Variants in MUTYH observed in about 807,000 individuals in gnomAD.
MUTYH encodes mutY DNA glycosylase, also known as adenine DNA glycosylase.
Under a neutral mutation model 72.9 loss-of-function variants are expected in MUTYH, and 64 were observed. The observed-to-expected ratio is 0.88, with a 90% CI of 0.72 to 1.08. The LOEUF is 1.08. MUTYH is among the 50% of genes least tolerant of loss of function. MUTYH has a pLI of 0.00. For synonymous variants in MUTYH, 234 were observed against 263.1 expected (o/e 0.89, Z 1.07); for missense variants, 633 against 671.0 (o/e 0.94, Z 0.63).
At chr1:45,329,579 C>G in intron 15 of MUTYH, 142 bp from the exon 16 acceptor site, 1 of 1,179,576 alleles carries the variant, frequency 8.5e-7, no homozygotes, top group Non-Finnish European at 1.2e-6. Context: ...CATCCTGCCT[C>G]AAGTATCTGC....
chr1:45,333,337 C>T lies in MUTYH; in HGVS notation c.265-13G>A. On this transcript the variant is annotated splice_polypyrimidine_tract_variant and intron_variant, in intron 3 of 15. Transcript: ENST00000456914. ...TCTCATCTTCTGCCTGTCAATGCAA[C>T]CCCAGATGAGGAGTTAGGGTGGAGG... 1.2e-6 allele frequency: 2 copies of T among 1,614,222 alleles called. No individual in the cohort carries two copies. Among genetic ancestry groups the T allele is most frequent in the Non-Finnish European group, 1.7e-6 (2 of 1,180,024 alleles).
At chr1:45,340,301 G>T (rs1483936156), upstream of MUTYH, 2 of 1,612,636 alleles carry the variant, frequency 1.2e-6, no homozygotes, top group African/African-American at 1.3e-5. Flanking sequence ...CGCAGCTTCC[G>T]ACGGTGAGCG....
At position 45,331,652 on chromosome 1, in the gene MUTYH, T is replaced by A. The variant is rs587780742; in HGVS notation, c.1102+9A>T. ...ATGCCACTGCCCTCCACGCCCAGTATCCAGGTACCTGAGTTGGGCCTCTGC... is the reference window on the plus strand; with the variant it reads ...ATGCCACTGCCCTCCACGCCCAGTAACCAGGTACCTGAGTTGGGCCTCTGC... On this transcript the variant is annotated intron_variant, in intron 12 of 15. Coordinates refer to ENST00000456914, the MANE Select transcript of MUTYH (RefSeq NM_001048174.2). 352 of 1,613,718 alleles carry A rather than the reference T, an allele frequency of 2.2e-4. No homozygotes were observed. Among genetic ancestry groups the A allele is most frequent in the Non-Finnish European group, 2.8e-4 (331 of 1,180,042 alleles).
At chr1:45,338,356 C>T (rs1646266737) in intron 1 of MUTYH, 4 of 494,056 alleles carry the variant, frequency 8.1e-6, no homozygotes, top group Non-Finnish European at 1.6e-5. Flanking sequence ...GTGTGTCTGC[C>T]CACCTTGGGG....
intron 1 of MUTYH, chr1:45,339,550 G>A (rs925401896): frequency 3.1e-6 from 1 of 318,578 alleles, no homozygotes; most frequent in African/African-American, 2.2e-5. Flanking sequence ...CCTCTAGGTC[G>A]ACTATACCGC....
chr1:45,329,356 G>A lies in MUTYH; in HGVS notation c.1516C>T (p.Arg506Trp), dbSNP rs144616312. Residue 506 changes from arginine to tryptophan, a missense_variant, in exon 16 of 16, where the codon CGG (arginine) becomes TGG (tryptophan). By Grantham distance (101) the Arg-to-Trp change is moderately radical. Coordinates refer to ENST00000456914, the MANE Select transcript of MUTYH (RefSeq NM_001048174.2). ...MGQQVLDNFFRSHISTDAHSL... is the reference protein window; with the variant it reads ...MGQQVLDNFFWSHISTDAHSL... The stretch of plus-strand genomic sequence containing the variant: ...TGTGCATCAGTGGAGATGTGAGACC[G>A]AAAGAAATTATCCAGGACTTGCTGG... The A allele has an allele frequency of 3.8e-5, 61 of 1,614,096 alleles. No homozygotes were observed. The highest frequency in any genetic ancestry group is 3.9e-5 in the Non-Finnish European group (46 of 1,180,048).
In MUTYH at chr1:45,331,494, G is replaced by A. The variant is rs773370513; in HGVS notation, c.1165C>T (p.Arg389Cys). The A allele has an allele frequency of 9.9e-6, 16 of 1,614,012 alleles. No homozygotes were observed. The highest frequency in any genetic ancestry group is 5.0e-5 in the Admixed American group (3 of 60,014). Residue 389 changes from arginine (R) to cysteine (C), a missense_variant, in exon 13 of 16, where the codon CGC (arginine) becomes TGC (cysteine). Physicochemically the swap from Arg to Cys is radical, Grantham distance 180 (BLOSUM62 -3). Transcript: ENST00000456914. Reference sequence around the variant, plus strand: ...TGTAGTTCCTGCAGCAGGGCCTTGCGCTGAAGCTGCTCTGAGGGCTCCCAG... The same window carrying A: ...TGTAGTTCCTGCAGCAGGGCCTTGCACTGAAGCTGCTCTGAGGGCTCCCAG... The part of the protein sequence containing the change: ...VTWEPSEQLQ[R>C]KALLQELQRW...
intron 1 of MUTYH, 77 bp downstream of exon 1, chr1:45,339,822 G>C: frequency 7.6e-7 from 1 of 1,313,334 alleles, no homozygotes; most frequent in East Asian, 5.1e-5. Flanking sequence ...TCTAACTCCT[G>C]GGCGTGCTTT....
rs587778534 is a variant in MUTYH, at chr1:45,332,263, T to C, written c.752A>G (p.Asn251Ser). 3 of 1,614,048 alleles carry C rather than the reference T, an allele frequency of 1.9e-6. No individual in the cohort carries two copies. Among genetic ancestry groups the C allele is most frequent in the Non-Finnish European group, 2.5e-6 (3 of 1,179,976 alleles). Reference sequence around the variant, plus strand: ...GGCCCCTAGCTCCATGGCTGCTTGGTTGAAATCTCCTGGCCGGGCTGGGTC... The same window carrying C: ...GGCCCCTAGCTCCATGGCTGCTTGGCTGAAATCTCCTGGCCGGGCTGGGTC... ...LVDPARPGDF[N>S]QAAMELGATV... Residue 251 changes from asparagine (N) to serine (S), a missense_variant, in exon 10 of 16, where the codon AAC becomes AGC. Asn to Ser is a conservative substitution (Grantham distance 46, BLOSUM62 1). Transcript: ENST00000456914.
At chr1:45,334,323 C>T in intron 2 of MUTYH, 68 bp downstream of exon 2, 2 of 1,607,858 alleles carry the variant, frequency 1.2e-6, no homozygotes, top group Non-Finnish European at 1.7e-6. Context: ...ATACGTATCA[C>T]AATCCCTTCC....
chr1:45,334,266 G>A, intron 2 of MUTYH, 125 bp downstream of exon 2: 2 of 1,440,346 alleles, frequency 1.4e-6, no homozygotes, highest in East Asian at 4.8e-5. Flanking sequence ...TGGGATTACA[G>A]GTGTGAGCCA....
upstream of MUTYH, chr1:45,340,287 C>G (rs978180720): frequency 6.2e-7 from 1 of 1,613,464 alleles, no homozygotes; most frequent in Admixed American, 1.7e-5. Context: ...GCAGTTTCAG[C>G]TCCCGCAGCT....
chr1:45,333,053 C>T (rs752685262), intron 5 of MUTYH, 44 bp downstream of exon 5: 12 of 1,612,282 alleles, frequency 7.4e-6, no homozygotes, highest in Non-Finnish European at 9.3e-6. Flanking sequence ...AGGCTCTCAT[C>T]TGGGGTCTGA....
rs1570395209 is a variant in MUTYH, at chr1:45,332,064, G to A, written c.872C>T (p.Ala291Val). The A allele has an allele frequency of 1.2e-6, 2 of 1,614,210 alleles. No homozygotes were observed. Among genetic ancestry groups the A allele is most frequent in the Non-Finnish European group, 1.7e-6 (2 of 1,180,024 alleles). ...AGGACTGCCCGACAGGCTCCCTGAG[G>A]CTAAGAGCTGTTCCTGCTCCACCTG... The part of the protein sequence containing the change: ...RQRVEQEQLL[A>V]SGSLSGSPDV... Residue 291 changes from alanine to valine, a missense_variant, in exon 11 of 16, where the codon GCC (alanine) becomes GTC (valine). Coordinates refer to ENST00000456914, the MANE Select transcript of MUTYH (RefSeq NM_001048174.2).
intron 11 of MUTYH, 44 bp from the exon 12 acceptor site, chr1:45,331,893 T>A (rs1644952910): frequency 6.2e-7 from 1 of 1,605,776 alleles, no homozygotes; most frequent in Admixed American, 1.7e-5. Context: ...CAAGAGGGCT[T>A]TAGGGGCCAA....
intron 10 of MUTYH, 40 bp from the exon 11 acceptor site, chr1:45,332,126 T>G: frequency 6.2e-7 from 1 of 1,614,156 alleles, no homozygotes; most frequent in Non-Finnish European, 8.5e-7. Flanking sequence ...GCAGAGTCAC[T>G]CCTTAGGACT....
intron 1 of MUTYH, among the ~76,000 whole-genome samples, chr1:45,334,849 G>GA (rs1341265769): frequency 6.6e-6 from 1 of 152,180 alleles, no homozygotes; most frequent in Non-Finnish European, 1.5e-5. Flanking sequence ...TGTGGATAGG[G>GA]GTTGTTTAGG....
intron 8 of MUTYH, 27 bp downstream of exon 8, chr1:45,332,547 C>G: frequency 6.2e-7 from 1 of 1,613,990 alleles, no homozygotes; most frequent in Non-Finnish European, 8.5e-7. Flanking sequence ...TGGGCACGCA[C>G]AAAGTGGGGG....
upstream of MUTYH, chr1:45,340,235 C>A (rs1114167687): frequency 1.9e-6 from 3 of 1,613,856 alleles, no homozygotes; most frequent in Non-Finnish European, 1.7e-6. Context: ...ACGACTCAGG[C>A]GGGAGACGAG....
Sources: gnomAD v4.1 joint callset for allele counts (sites outside exome capture counted in the v4.1 genomes callset) on GRCh38, gnomAD v4.1.1 for gene constraint, MANE v1.5 for transcripts, NCBI Gene and HGNC (gene_info 2026-07-23, HGNC 2026-07-21) for gene names.